Variants in GCNA observed in about 807,000 individuals in gnomAD.
GCNA encodes the protein germ cell nuclear acidic peptidase, also known as germ cell nuclear acidic protein.
GCNA carries 3 observed loss-of-function variants against 38.8 expected under a neutral mutation model. The observed-to-expected ratio is 0.08, with a 90% CI of 0.04 to 0.20. The LOEUF (loss-of-function observed/expected upper bound fraction) is 0.20, where lower values mean the gene tolerates loss of function less well. GCNA is among the 10% of genes least tolerant of loss of function. The pLI is 1.00. For synonymous variants in GCNA, 195 were observed against 240.2 expected (o/e 0.81, Z 1.74); for missense variants, 446 against 578.6 (o/e 0.77, Z 2.35).
At chrX:71,600,982 C>T (rs988741093) in intron 7 of GCNA, among the ~76,000 whole-genome samples, 3 of 111,927 alleles carry the variant, frequency 2.7e-5, no homozygotes, top group African/African-American at 9.7e-5. Flanking sequence ...ACTATCCTTC[C>T]CTGCCTCTGT....
Position 71,609,343 on chromosome X carries a change from G to A in GCNA, c.1611+226G>A, listed in dbSNP as rs927633629. ...TCAGCAGAGGGAGAAATCACTAAGA[G>A]CCTCAACAGCCAGGAAGTAAGATTA... On this transcript the variant is annotated intron_variant, in intron 10 of 12. Transcript: ENST00000373696. 3.6e-5 allele frequency among the ~76,000 whole-genome samples: 4 copies of A among 112,210 alleles called. No individual in the cohort carries two copies. In the Admixed American group the frequency reaches 3.8e-4, roughly 11 times the overall value.
rs2040829054 is a variant in GCNA at position 71,613,577 on chromosome X, C to A, written c.*595C>A. 1 of 113,329 alleles carries A rather than the reference C, an allele frequency of 8.8e-6. No individual in the cohort carries two copies. The highest frequency in any genetic ancestry group is 3.2e-5 in the African/African-American group (1 of 30,926). 9.3% of individuals were successfully genotyped at this position (113,329 alleles called of 1,213,427 possible). ...GTAATCAAAAAATAAAAGTTTTCTG[C>A]ATCTTGCTTGTTAGCAAAGTCTGTT... On this transcript the variant is annotated 3_prime_UTR_variant, in exon 13 of 13. Transcript: ENST00000373696.
chrX:71,598,847 C>T (rs1440703244), intron 7 of GCNA, among the ~76,000 whole-genome samples: 1 of 110,929 alleles, frequency 9.0e-6, no homozygotes, highest in Non-Finnish European at 1.9e-5. Context: ...AAAGCACCAA[C>T]TACAACTTTT....
intron 2 of GCNA, among the ~76,000 whole-genome samples, chrX:71,582,123 A>C (rs752851610): frequency 9.2e-6 from 1 of 109,056 alleles, no homozygotes; most frequent in Admixed American, 9.9e-5. Context: ...AAAATAAAAA[A>C]ATTAGCTGGG....
rs377384243 is a variant in GCNA at position 71,580,858 on chromosome X, G to A, written c.37G>A (p.Glu13Lys). ...GCKKELPRLQ[E>K]PEEDEDCYIL... ...CAAAAAAGAGCTGCCCCGCTTGCAA[G>A]AGCCGGAGGAGGACGAGGATTGGTG... The change falls in exon 2 of 13, where the codon GAG becomes AAG. Residue 13 changes from glutamate (E) to lysine (K), a missense_variant. Physicochemically the swap from Glu to Lys is moderately conservative, Grantham distance 56. Coordinates refer to ENST00000373696, the MANE Select transcript of GCNA (RefSeq NM_052957.5). 5.0e-6 allele frequency: 6 copies of A among 1,201,741 alleles called. No individual in the cohort carries two copies. Among genetic ancestry groups the A allele is most frequent in the East Asian group, 3.0e-5 (1 of 33,516 alleles).
At chrX:71,587,498 T>C (rs1356627354) in intron 2 of GCNA, among the ~76,000 whole-genome samples, 3 of 111,530 alleles carry the variant, frequency 2.7e-5, no homozygotes, top group Non-Finnish European at 5.6e-5. Flanking sequence ...ATAGCCTTGA[T>C]GATATGATAT....
intron 2 of GCNA, among the ~76,000 whole-genome samples, chrX:71,587,450 C>T (rs773581614): frequency 3.6e-5 from 4 of 110,122 alleles, no homozygotes; most frequent in Non-Finnish European, 7.6e-5. Flanking sequence ...CTTTTTTAGC[C>T]CAAGCAAGAT....
intron 2 of GCNA, among the ~76,000 whole-genome samples, chrX:71,586,614 CTT>C (rs767932632): frequency 9.5e-6 from 1 of 105,006 alleles, no homozygotes. Flanking sequence ...GGCCATGTTA[CTT>C]TTTTTTTTTT....
rs1200812890 is a variant in GCNA, at chrX:71,580,854, G to T, written c.33G>T (p.Leu11Phe). Residue 11 changes from leucine (L) to phenylalanine (F), a missense_variant, in exon 2 of 13, where the codon TTG (leucine) becomes TTT (phenylalanine). This residue lies in a region of GCNA where 21 missense variants were observed against 16.5 expected (regional missense o/e 1.27). Coordinates refer to ENST00000373696, the MANE Select transcript of GCNA (RefSeq NM_052957.5). MDGCKKELPR[L>F]QEPEEDEDCY... is the part of the protein sequence containing the mutation. ...GGTGCAAAAAAGAGCTGCCCCGCTT[G>T]CAAGAGCCGGAGGAGGACGAGGATT... 1.7e-6 allele frequency: 2 copies of T among 1,202,233 alleles called. No homozygotes were observed. Among genetic ancestry groups the T allele is most frequent in the South Asian group, 3.6e-5 (2 of 55,316 alleles).
In GCNA at chrX:71,603,590, G is replaced by A. The variant is rs1046974558; in HGVS notation, c.313G>A (p.Glu105Lys). The change falls in exon 8 of 13, where the codon GAG (glutamate) becomes AAG (lysine). Residue 105 changes from glutamate (E) to lysine (K), a missense_variant and splice_region_variant. Transcript: ENST00000373696. The stretch of plus-strand genomic sequence containing the variant: ...TGATTGTGTCTCTTGAATTTCAGAT[G>A]AGAGTCCGGAGTGTTGTCATGTGAA... Reference protein sequence around the residue: ...AKLLEINSDDESPECCHVKPA... With the variant: ...AKLLEINSDDKSPECCHVKPA... The A allele has an allele frequency of 1.7e-6, 2 of 1,204,113 alleles. No individual in the cohort carries two copies. The highest frequency in any genetic ancestry group is 4.4e-5 in the Admixed American group (2 of 45,209).
At chrX:71,594,223 C>T in intron 4 of GCNA, 108 bp from the exon 5 acceptor site, 1 of 637,797 alleles carries the variant, frequency 1.6e-6, no homozygotes, top group Non-Finnish European at 2.4e-6. Context: ...TTTTGCATTT[C>T]AGGAATTCTG....
At position 71,613,141 on chromosome X, in the gene GCNA, A is replaced by G; in HGVS notation, c.*159A>G. The G allele has an allele frequency of 4.2e-6, 3 of 707,098 alleles. No homozygotes were observed. The highest frequency in any genetic ancestry group is 6.0e-6 in the Non-Finnish European group (3 of 502,113). 58.3% of individuals were successfully genotyped at this position (707,098 alleles called of 1,213,427 possible). ...TATATTAATGTGAGCTATATCCTTT[A>G]CTGGTAAGAAGTTTTAGAAAAGTTT... On this transcript the variant is annotated 3_prime_UTR_variant, in exon 13 of 13. Transcript: ENST00000373696.
rs1435667332 is a variant in GCNA, at chrX:71,594,985, T to TGGAAG, written c.221+206_221+207insGGAAG. 1.5e-3 allele frequency among the ~76,000 whole-genome samples: 165 copies of TGGAAG among 108,666 alleles called. No individual in the cohort carries two copies. In the East Asian group the frequency reaches 0.034, roughly 22 times the overall value. The allele number at this position is 108,666 out of a possible 115,157, so 94.4% of individuals were successfully genotyped here. A position where few individuals can be genotyped will look rare whatever the true frequency, so the allele number is the denominator to read the frequency against. On this transcript the variant is annotated intron_variant, in intron 6 of 12. Coordinates refer to ENST00000373696, the MANE Select transcript of GCNA (RefSeq NM_052957.5). ...GATTCCTTATGCCTGACCCATTATCTAACTGGTCAGTTTCTTCTTTGAGGT... is the reference window on the plus strand; with the variant it reads ...GATTCCTTATGCCTGACCCATTATCTGGAAGAACTGGTCAGTTTCTTCTTTGAGGT...
At chrX:71,582,145 C>T (rs756184078) in intron 2 of GCNA, among the ~76,000 whole-genome samples, 1 of 107,921 alleles carries the variant, frequency 9.3e-6, no homozygotes, top group East Asian at 2.9e-4. Context: ...ACGGCGGCTG[C>T]ACCTATAGTC....
At chrX:71,612,637 A>G in intron 12 of GCNA, 78 bp downstream of exon 12, 1 of 963,204 alleles carries the variant, frequency 1.0e-6, no homozygotes, top group Non-Finnish European at 1.4e-6. Flanking sequence ...TTATAAGTAG[A>G]TGGCTGTCTG....
At chrX:71,605,607 G>A in intron 8 of GCNA, 56 bp from the exon 9 acceptor site, 18 of 1,053,207 alleles carry the variant, frequency 1.7e-5, no homozygotes, top group Non-Finnish European at 2.2e-5. Flanking sequence ...TGTTGGTCTC[G>A]TGATGGTACC....
chrX:71,601,560 T>G (rs2040715282), intron 7 of GCNA, among the ~76,000 whole-genome samples: 1 of 109,743 alleles, frequency 9.1e-6, no homozygotes, highest in Non-Finnish European at 1.9e-5. Context: ...GTTTTGTTTT[T>G]TTGCGACGGA....
intron 3 of GCNA, among the ~76,000 whole-genome samples, 171 bp from the exon 4 acceptor site, chrX:71,592,366 T>C (rs1224034236): frequency 1.1e-5 from 1 of 87,925 alleles, no homozygotes; most frequent in Non-Finnish European, 2.2e-5. Flanking sequence ...CTTTCCTCCT[T>C]TTTTTTTGGC....
At chrX:71,589,534 T>C (rs2040611175) in intron 2 of GCNA, among the ~76,000 whole-genome samples, 1 of 97,204 alleles carries the variant, frequency 1.0e-5, no homozygotes, top group Admixed American at 1.2e-4. Flanking sequence ...GGTGCAATCT[T>C]GGCTCACTGC....
Sources: gnomAD v4.1 joint callset for allele counts (sites outside exome capture counted in the v4.1 genomes callset) on GRCh38, gnomAD v4.1.1 for gene constraint, gnomAD v4.1.1 regional missense constraint, MANE v1.5 for transcripts, NCBI Gene and HGNC (gene_info 2026-07-23, HGNC 2026-07-21) for gene names.